The following COL11A2 variants were observed in gnomAD, a reference collection of about 807,000 sequenced individuals.
The protein encoded by COL11A2 is collagen type XI alpha 2 chain, also known as collagen alpha-2(XI) chain.
Under a neutral mutation model 273.4 loss-of-function variants are expected in COL11A2, and 116 were observed. That is an observed-to-expected ratio of 0.42 (90% CI 0.36 to 0.49). The LOEUF is 0.49. COL11A2 is among the 20% of genes least tolerant of loss of function. COL11A2 has a pLI of 0.00. For missense variants in COL11A2, 1,866 were observed against 2,309.0 expected (o/e 0.81, Z 3.93); for synonymous variants, 782 against 864.2 (o/e 0.90, Z 1.67).
At chr6:33,171,983 A>C (rs1415032419) in intron 41 of COL11A2, 67 bp downstream of exon 41, 10 of 1,582,126 alleles carry the variant, frequency 6.3e-6, no homozygotes, top group Non-Finnish European at 6.9e-6. Context: ...TCAGAATGCC[A>C]CTCCCACCCT....
intron 7 of COL11A2, 74 bp downstream of exon 7, chr6:33,184,918 C>A (rs539767590): frequency 2.2e-5 from 28 of 1,267,924 alleles, no homozygotes; most frequent in African/African-American, 4.5e-5. Flanking sequence ...TCCATCAAGA[C>A]GTCATGGGCT....
At chr6:33,188,636 T>C in intron 3 of COL11A2, 112 bp from the exon 4 acceptor site, 1 of 1,189,830 alleles carries the variant, frequency 8.4e-7, no homozygotes, top group Non-Finnish European at 1.2e-6. Context: ...AGAGCAGTAA[T>C]AACAATGGCT....
At chr6:33,186,848 G>C (rs774477373) in intron 4 of COL11A2, 30 bp from the exon 5 acceptor site, 7 of 1,612,846 alleles carry the variant, frequency 4.3e-6, no homozygotes, top group Non-Finnish European at 3.4e-6. Context: ...ATGGAGCGGA[G>C]AGATTCAGAG....
At chr6:33,187,358 C>T (rs909128162) in intron 4 of COL11A2, among the ~76,000 whole-genome samples, 9 of 152,148 alleles carry the variant, frequency 5.9e-5, no homozygotes, top group Admixed American at 5.9e-4. Context: ...TCCATTGCAC[C>T]GTAATTTAGG....
In COL11A2 at chr6:33,179,605, A is replaced by G; in HGVS notation, c.1446+114T>C. ...TCATCCACTGCCCAGGATTCTCCCCAACCTCCCTGTTAACCCCAAACCAAC... is the reference window on the plus strand; with the variant it reads ...TCATCCACTGCCCAGGATTCTCCCCGACCTCCCTGTTAACCCCAAACCAAC... On this transcript the variant is annotated intron_variant, in intron 13 of 65. Transcript: ENST00000341947. The surrounding 1 kb of genome is among the most constrained non-coding windows in gnomAD (Gnocchi z 6.4). 1 of 1,463,332 alleles carries G rather than the reference A, an allele frequency of 6.8e-7. No individual in the cohort carries two copies. The highest frequency in any genetic ancestry group is 1.2e-5 in the South Asian group (1 of 84,184). The allele number at this position is 1,463,332 out of a possible 1,614,324, so 90.6% of individuals were successfully genotyped here.
rs947480257 is a variant in COL11A2, at chr6:33,184,982, A to AT, written c.939+9dup. The AT allele has an allele frequency of 1.9e-6, 3 of 1,550,714 alleles. No homozygotes were observed. The African/African-American group carries it at 4.1e-5, about 21-fold the overall frequency. On this transcript the variant is annotated intron_variant, in intron 7 of 65. Transcript: ENST00000341947. ...CCCCCAGATGGGGTGAGGGTGGGGC[A>AT]TAGAGTTACCTCCTCAAGGGGTGGC...
chr6:33,192,151 CCT>C lies in COL11A2; in HGVS notation c.82+6_82+7del, dbSNP rs1241681013. ...CTCCGAGGACCCAGGCATCAGGACT[CCT>C]CTTACCTGCCCAGCCTGGGGCCGCG... On this transcript the variant is annotated splice_donor_region_variant and intron_variant, in intron 1 of 65. Transcript: ENST00000341947. The C allele has an allele frequency of 1.7e-5, 26 of 1,554,002 alleles. No individual in the cohort carries two copies. The highest frequency in any genetic ancestry group is 3.3e-4 in the Middle Eastern group (2 of 5,990).
In COL11A2 at chr6:33,170,014, C is replaced by T. The variant is rs1464016323; in HGVS notation, c.3636+33G>A. Reference sequence around the variant, plus strand: ...AAATCCAACTCCCATCCCCCACTTCCATGACTGGTCCACTCACCCCCTTCC... The same window carrying T: ...AAATCCAACTCCCATCCCCCACTTCTATGACTGGTCCACTCACCCCCTTCC... On this transcript the variant is annotated intron_variant, in intron 49 of 65. Transcript: ENST00000341947. This position sits in a 1 kb window ranked among gnomAD's most constrained non-coding sequence, Gnocchi z 4.3. 8.1e-6 allele frequency: 13 copies of T among 1,613,314 alleles called. No individual in the cohort carries two copies. The highest frequency in any genetic ancestry group is 5.3e-5 in the African/African-American group (4 of 75,048).
At position 33,166,420 on chromosome 6, in the gene COL11A2, T is replaced by G; in HGVS notation, c.4392+93A>C. 4.1e-6 allele frequency: 6 copies of G among 1,462,534 alleles called. No homozygotes were observed. Among genetic ancestry groups the G allele is most frequent in the Non-Finnish European group, 5.7e-6 (6 of 1,061,718 alleles). The allele number at this position is 1,462,534 out of a possible 1,614,324, so 90.6% of individuals were successfully genotyped here. ...GGGGGACCCTGAGGACTATGCTTGT[T>G]AGGCTGGTAGTTCCATGGAAGTCGT... On this transcript the variant is annotated intron_variant, in intron 60 of 65. Coordinates refer to ENST00000341947, the MANE Select transcript of COL11A2 (RefSeq NM_080680.3). The surrounding 1 kb of genome is among the most constrained non-coding windows in gnomAD (Gnocchi z 4.8).
Position 33,179,897 on chromosome 6 carries a change from C to T in COL11A2, c.1360-92G>A. 8.1e-7 allele frequency: 1 copy of T among 1,227,064 alleles called. No homozygotes were observed. The highest frequency in any genetic ancestry group is 1.2e-6 in the Non-Finnish European group (1 of 844,072). 76.0% of individuals were successfully genotyped at this position (1,227,064 alleles called of 1,614,324 possible). A position where few individuals can be genotyped will look rare whatever the true frequency, so the allele number is the denominator to read the frequency against. On this transcript the variant is annotated intron_variant, in intron 12 of 65. Coordinates refer to ENST00000341947, the MANE Select transcript of COL11A2 (RefSeq NM_080680.3). The surrounding 1 kb of genome is among the most constrained non-coding windows in gnomAD (Gnocchi z 6.4). ...CTTTCTCCAGCGTTTCTGCCCCTTG[C>T]CCCAGGTTCTGCCCATCCAGCATTT...
At position 33,178,664 on chromosome 6, in the gene COL11A2, C is replaced by T. The variant is rs1288100294; in HGVS notation, c.1719+15G>A. 3 of 1,612,648 alleles carry T rather than the reference C, an allele frequency of 1.9e-6. No homozygotes were observed. Among genetic ancestry groups the T allele is most frequent in the African/African-American group, 2.7e-5 (2 of 74,890 alleles). On this transcript the variant is annotated intron_variant, in intron 18 of 65. Coordinates refer to ENST00000341947, the MANE Select transcript of COL11A2 (RefSeq NM_080680.3). This position sits in a 1 kb window ranked among gnomAD's most constrained non-coding sequence, Gnocchi z 4.6. ...TCTATCCCCAATTACAACACACACC[C>T]ACTAATGTACTCACCCTATGGCCCT... is the stretch of plus-strand genomic sequence containing the variant.
rs1290293383 is a variant in COL11A2, at chr6:33,169,168, G to A, written c.3799-160C>T. 6.6e-6 allele frequency among the ~76,000 whole-genome samples: 1 copy of A among 152,108 alleles called. No individual in the cohort carries two copies. Among genetic ancestry groups the A allele is most frequent in the Admixed American group, 6.5e-5 (1 of 15,274 alleles). ...CCTTTCCCTACCACGTGCACTGCGT[G>A]TTGTCTAATTCCTCAAGGTATTAAC... is the stretch of plus-strand genomic sequence containing the variant. On this transcript the variant is annotated intron_variant, in intron 51 of 65. Coordinates refer to ENST00000341947, the MANE Select transcript of COL11A2 (RefSeq NM_080680.3). This position sits in a 1 kb window ranked among gnomAD's most constrained non-coding sequence, Gnocchi z 5.5.
chr6:33,191,138 C>A (rs1382424163), intron 1 of COL11A2, among the ~76,000 whole-genome samples: 5 of 152,208 alleles, frequency 3.3e-5, no homozygotes, highest in Non-Finnish European at 5.9e-5. Context: ...GCCAGAGGAT[C>A]CCTCTTCCCC....
In COL11A2 at chr6:33,190,309, G is replaced by A. The variant is rs924368764; in HGVS notation, c.83-840C>T. Among the ~76,000 whole-genome samples the A allele has an allele frequency of 6.6e-6, 1 of 151,962 alleles. No homozygotes were observed. Among genetic ancestry groups the A allele is most frequent in the African/African-American group, 2.4e-5 (1 of 41,348 alleles). ...CATCAGAGTGCTTGCCCAGAACCCA[G>A]GCAAGCTCCCCACACCTGGAACCTC... is the stretch of plus-strand genomic sequence containing the variant. On this transcript the variant is annotated intron_variant, in intron 1 of 65. Transcript: ENST00000341947. This position sits in a 1 kb window ranked among gnomAD's most constrained non-coding sequence, Gnocchi z 4.5.
At position 33,177,059 on chromosome 6, in the gene COL11A2, A is replaced by T; in HGVS notation, c.2017-14T>A. 1 of 1,612,530 alleles carries T rather than the reference A, an allele frequency of 6.2e-7. No homozygotes were observed. Among genetic ancestry groups the T allele is most frequent in the Non-Finnish European group, 8.5e-7 (1 of 1,179,852 alleles). On this transcript the variant is annotated splice_polypyrimidine_tract_variant and intron_variant, in intron 24 of 65. Transcript: ENST00000341947. This position sits in a 1 kb window ranked among gnomAD's most constrained non-coding sequence, Gnocchi z 5.9. ...CCCTTGAGGACCCTGCAGGAAGACA[A>T]AGAGGCTCAGGGTCACTAGAGGGGT...
intron 54 of COL11A2, among the ~76,000 whole-genome samples, 168 bp downstream of exon 54, chr6:33,168,351 G>A (rs1168393458): frequency 4.0e-5 from 6 of 149,382 alleles, no homozygotes; most frequent in African/African-American, 1.5e-4. Context: ...CCTGCCCCGG[G>A]CAATGAGATA....
chr6:33,179,590 C>T lies in COL11A2; in HGVS notation c.1447-103G>A. The T allele has an allele frequency of 6.9e-7, 1 of 1,443,938 alleles. No individual in the cohort carries two copies. Among genetic ancestry groups the T allele is most frequent in the Non-Finnish European group, 9.5e-7 (1 of 1,050,300 alleles). 89.4% of individuals were successfully genotyped at this position (1,443,938 alleles called of 1,614,324 possible). ...TTCCTCTCCTGATCCTCATCCACTG[C>T]CCAGGATTCTCCCCAACCTCCCTGT... On this transcript the variant is annotated intron_variant, in intron 13 of 65. Transcript: ENST00000341947. This position sits in a 1 kb window ranked among gnomAD's most constrained non-coding sequence, Gnocchi z 6.4.
chr6:33,178,654 AAC>A lies in COL11A2; in HGVS notation c.1719+23_1719+24del, dbSNP rs1562358283. On this transcript the variant is annotated intron_variant, in intron 18 of 65. Transcript: ENST00000341947. This position sits in a 1 kb window ranked among gnomAD's most constrained non-coding sequence, Gnocchi z 4.6. ...CCATAGAAGATCTATCCCCAATTAC[AAC>A]ACACACCCACTAATGTACTCACCCT... 2.5e-6 allele frequency: 4 copies of A among 1,612,276 alleles called. No individual in the cohort carries two copies. Among genetic ancestry groups the A allele is most frequent in the Non-Finnish European group, 8.5e-7 (1 of 1,179,628 alleles).
At position 33,171,706 on chromosome 6, in the gene COL11A2, C is replaced by T. The variant is rs1327272043; in HGVS notation, c.3150+7G>A. On this transcript the variant is annotated splice_region_variant and intron_variant, in intron 42 of 65. Transcript: ENST00000341947. ...CCAGTACCCCTCCCCAATACCCCCA[C>T]ACTCACTGGGACACCTTTCTCTCCT... 1 of 1,612,422 alleles carries T rather than the reference C, an allele frequency of 6.2e-7. No homozygotes were observed.
Sources: gnomAD v4.1 joint callset for allele counts (sites outside exome capture counted in the v4.1 genomes callset) on GRCh38, gnomAD v4.1.1 for gene constraint, Gnocchi (gnomAD v3.1) non-coding constraint, MANE v1.5 for transcripts, NCBI Gene and HGNC (gene_info 2026-07-23, HGNC 2026-07-21) for gene names.